Variants in HIF3A observed in about 807,000 individuals in gnomAD.
The protein encoded by HIF3A is hypoxia inducible factor 3 subunit alpha.
In HIF3A, 41 loss-of-function variants were observed where a neutral mutation model predicts 67.2. The observed-to-expected ratio is 0.61, with a 90% CI of 0.48 to 0.79. The LOEUF is 0.79. Ranked by LOEUF, HIF3A falls within the 30% of genes least tolerant of loss-of-function variation. The pLI, the probability that HIF3A is intolerant of heterozygous loss-of-function variation, is 0.00. For missense variants in HIF3A, 855 were observed against 898.0 expected (o/e 0.95, Z 0.61); for synonymous variants, 356 against 374.8 (o/e 0.95, Z 0.58).
intron 13 of HIF3A, among the ~76,000 whole-genome samples, chr19:46,332,677 G>A (rs555258247): frequency 6.6e-6 from 1 of 152,214 alleles, no homozygotes; most frequent in East Asian, 1.9e-4. Context: ...AATATGAGAT[G>A]TGGTTGATAA....
intron 8 of HIF3A, among the ~76,000 whole-genome samples, chr19:46,317,694 T>C (rs1014104309): frequency 1.3e-5 from 2 of 152,202 alleles, no homozygotes; most frequent in African/African-American, 4.8e-5. Flanking sequence ...CCTGGTGTCC[T>C]GTACTTTTGC....
chr19:46,321,924 C>T lies in HIF3A; in HGVS notation c.1293C>T (p.Pro431=), dbSNP rs769388492. 2.0e-5 allele frequency: 32 copies of T among 1,613,948 alleles called. No individual in the cohort carries two copies. Among genetic ancestry groups the T allele is most frequent in the African/African-American group, 2.7e-5 (2 of 74,932 alleles). The change falls in exon 10 of 15, where the codon CCC becomes CCT. Residue 431 remains proline, a synonymous_variant. Coordinates refer to ENST00000377670, the MANE Select transcript of HIF3A (RefSeq NM_152795.4). Reference sequence around the variant, plus strand: ...ATGGGGCTTCAGTAGCAGCCACTCCCAGCACCCCGCTGGCCACACGGCACC... The same window carrying T: ...ATGGGGCTTCAGTAGCAGCCACTCCTAGCACCCCGCTGGCCACACGGCACC... ...ILDGASVAAT[P]STPLATRHPQ... is the part of the protein sequence containing the mutation.
At chr19:46,324,890 T>TTATATA (rs548474180) in intron 10 of HIF3A, among the ~76,000 whole-genome samples, 4 of 137,086 alleles carry the variant, frequency 2.9e-5, no homozygotes, top group African/African-American at 1.1e-4. Flanking sequence ...ATGTTTTTAT[T>TTATATA]TATATATATA....
intron 9 of HIF3A, among the ~76,000 whole-genome samples, chr19:46,320,876 C>T (rs1970310168): frequency 6.6e-6 from 1 of 152,174 alleles, no homozygotes; most frequent in Non-Finnish European, 1.5e-5. Context: ...CTCCACATTG[C>T]CCCCACGCTT....
rs575995635 is a variant in HIF3A, at chr19:46,327,015, T to C, written c.1440+1376T>C. ...AAAAATAAAAATAAAATTAGCTAGG[T>C]GTGGTGGCACATGCCTGTAATCCCA... On this transcript the variant is annotated intron_variant, in intron 11 of 14. Transcript: ENST00000377670. 3.9e-5 allele frequency among the ~76,000 whole-genome samples: 6 copies of C among 151,926 alleles called. No individual in the cohort carries two copies. The South Asian group carries it at 8.3e-4, about 21-fold the overall frequency.
chr19:46,331,049 T>G, intron 12 of HIF3A, 107 bp from the exon 13 acceptor site: 3 of 742,720 alleles, frequency 4.0e-6, no homozygotes, highest in Non-Finnish European at 6.7e-6. Context: ...ACTAAAGGAA[T>G]AAATAGGTGC....
At chr19:46,312,745 GCA>G in intron 8 of HIF3A, 92 bp downstream of exon 8, 1 of 1,495,474 alleles carries the variant, frequency 6.7e-7, no homozygotes, top group Admixed American at 2.4e-5. Flanking sequence ...GTGCGTATGA[GCA>G]TGCATGTGTA....
rs1749125346 is a variant in HIF3A at position 46,304,291 on chromosome 19, G to A, written c.217+203G>A. 4 of 593,002 alleles carry A rather than the reference G, an allele frequency of 6.7e-6. No individual in the cohort carries two copies. In the Admixed American group the frequency reaches 1.2e-4, roughly 18 times the overall value. The allele number at this position is 593,002 out of a possible 1,614,324, so 36.7% of individuals were successfully genotyped here. On this transcript the variant is annotated intron_variant, in intron 2 of 14. Transcript: ENST00000377670. The stretch of plus-strand genomic sequence containing the variant: ...CCCCTTTGAGTTCCTGGCCTGCTGG[G>A]AGTCCCGCCCCCCTCGAAGTCTATC...
intron 10 of HIF3A, 81 bp downstream of exon 10, chr19:46,322,047 C>T: frequency 1.4e-6 from 2 of 1,403,290 alleles, no homozygotes; most frequent in African/African-American, 1.4e-5. Context: ...TTAAACCTGA[C>T]TGTTCTCTGG....
chr19:46,309,156 G>C lies in HIF3A; in HGVS notation c.567G>C (p.Leu189=). ...LNLKAATWKV[L]NCSGHMRAYK... ...CCCCTCATCTCGGCCCCCAGGTGCT[G>C]AACTGCTCTGGACATATGAGGGCCT... The change falls in exon 6 of 15, where the codon CTG becomes CTC. Residue 189 remains leucine (L), a synonymous_variant. Coordinates refer to ENST00000377670, the MANE Select transcript of HIF3A (RefSeq NM_152795.4). The C allele has an allele frequency of 6.2e-7, 1 of 1,613,494 alleles. No homozygotes were observed. Among genetic ancestry groups the C allele is most frequent in the Non-Finnish European group, 8.5e-7 (1 of 1,179,634 alleles).
At position 46,312,699 on chromosome 19, in the gene HIF3A, G is replaced by C. The variant is rs563447433; in HGVS notation, c.1025+46G>C. On this transcript the variant is annotated intron_variant, in intron 8 of 14. Transcript: ENST00000377670. ...GGGTGGCTGTGTGTGGGCCTGATCT[G>C]CATGTGTGGACAGGTGTGTGTGTGT... The C allele has an allele frequency of 2.0e-6, 3 of 1,513,574 alleles. 1 individual carries two copies. In the Admixed American group the frequency reaches 6.6e-5, roughly 33 times the overall value. The allele number at this position is 1,513,574 out of a possible 1,614,324, so 93.8% of individuals were successfully genotyped here.
At chr19:46,330,722 GTGGATGGCAGA>G (rs1455749460) in intron 12 of HIF3A, among the ~76,000 whole-genome samples, 12 of 150,852 alleles carry the variant, frequency 8.0e-5, no homozygotes, top group African/African-American at 2.7e-4. Context: ...TGGATGGATG[GTGGATGGCAGA>G]TGGATGGCAG....
chr19:46,317,901 C>G (rs1970044114), intron 8 of HIF3A, among the ~76,000 whole-genome samples: 1 of 151,926 alleles, frequency 6.6e-6, no homozygotes, highest in East Asian at 1.9e-4. Context: ...TGCGGTGGCA[C>G]AACCTCAGCT....
At chr19:46,304,113 CGTCTTG>C in intron 2 of HIF3A, 25 bp downstream of exon 2, 1 of 1,541,310 alleles carries the variant, frequency 6.5e-7, no homozygotes, top group Non-Finnish European at 8.7e-7. Context: ...CGGGAATTCC[CGTCTTG>C]GTCAGGCCCC....
chr19:46,314,218 A>G (rs1440842850), intron 8 of HIF3A, among the ~76,000 whole-genome samples: 1 of 147,928 alleles, frequency 6.8e-6, no homozygotes, highest in Non-Finnish European at 1.5e-5. Flanking sequence ...TATTTAATCT[A>G]AGAAACTGCC....
At chr19:46,311,876 A>G (rs1227579085) in intron 6 of HIF3A, among the ~76,000 whole-genome samples, 1 of 152,054 alleles carries the variant, frequency 6.6e-6, no homozygotes, top group Non-Finnish European at 1.5e-5. Flanking sequence ...ACAAACAACA[A>G]AACAAACAAA....
chr19:46,325,875 G>C (rs956655523), intron 11 of HIF3A, among the ~76,000 whole-genome samples: 2 of 152,158 alleles, frequency 1.3e-5, no homozygotes, highest in African/African-American at 4.8e-5. Context: ...TTGATAGCTG[G>C]ATGAAAAATG....
chr19:46,308,565 G>A, intron 4 of HIF3A, 98 bp from the exon 5 acceptor site: 1 of 718,770 alleles, frequency 1.4e-6, no homozygotes, highest in Non-Finnish European at 2.3e-6. Context: ...CCAATTGTTG[G>A]GATGGAGCTG....
chr19:46,305,906 T>C (rs1382838238), intron 3 of HIF3A, among the ~76,000 whole-genome samples: 1 of 152,138 alleles, frequency 6.6e-6, no homozygotes, highest in Non-Finnish European at 1.5e-5. Context: ...GGCAAAACCC[T>C]GTCTCCACCA....
Sources: gnomAD v4.1 joint callset for allele counts (sites outside exome capture counted in the v4.1 genomes callset) on GRCh38, gnomAD v4.1.1 for gene constraint, MANE v1.5 for transcripts, NCBI Gene and HGNC (gene_info 2026-07-23, HGNC 2026-07-21) for gene names.